The following SOX6 variants were observed in gnomAD, a reference collection of about 807,000 sequenced individuals.
SOX6 encodes the protein SRY-box transcription factor 6.
A neutral mutation model predicts 97.8 loss-of-function variants in SOX6; 11 were observed. That is an observed-to-expected ratio of 0.11 (90% CI 0.07 to 0.19). SOX6 has a LOEUF of 0.19. SOX6 is among the 10% of genes least tolerant of loss of function. SOX6 has a pLI of 1.00. For synonymous variants in SOX6, 360 were observed against 371.4 expected (o/e 0.97, Z 0.35); for missense variants, 810 against 1,039.5 (o/e 0.78, Z 3.04).
At position 15,987,006 on chromosome 11, in the gene SOX6, T is replaced by C. The variant is rs551559285; in HGVS notation, c.1967-586A>G. 1.8e-3 allele frequency among the ~76,000 whole-genome samples: 280 copies of C among 152,344 alleles called. 2 individuals carry two copies. Among genetic ancestry groups the C allele is most frequent in the Middle Eastern group, 0.014 (4 of 294 alleles). On this transcript the variant is annotated intron_variant, in intron 14 of 15. Transcript: ENST00000683767. ...CGGAAGATACCATTGGAATTATATATACCATTTTCAAGTACTATAAACGCT... is the reference window on the plus strand; with the variant it reads ...CGGAAGATACCATTGGAATTATATACACCATTTTCAAGTACTATAAACGCT...
At chr11:16,184,913 T>A (rs1851431672) in intron 5 of SOX6, among the ~76,000 whole-genome samples, 1 of 152,050 alleles carries the variant, frequency 6.6e-6, no homozygotes, top group African/African-American at 2.4e-5. Context: ...GGACTTTGTT[T>A]AGTAGTGCCT....
intron 12 of SOX6, among the ~76,000 whole-genome samples, chr11:16,018,917 T>C (rs1196546604): frequency 1.3e-5 from 2 of 152,154 alleles, no homozygotes; most frequent in African/African-American, 4.8e-5. Context: ...CCATATAGTC[T>C]GAAGAAAACG....
chr11:15,985,916 T>C (rs1424418084), intron 15 of SOX6, among the ~76,000 whole-genome samples: 2 of 152,178 alleles, frequency 1.3e-5, no homozygotes, highest in Non-Finnish European at 2.9e-5. Context: ...TTAAATAAAC[T>C]ACCAGAAACT....
At chr11:16,427,434 C>T (rs1859167660) in intron 1 of SOX6, among the ~76,000 whole-genome samples, 2 of 151,672 alleles carry the variant, frequency 1.3e-5, no homozygotes, top group Non-Finnish European at 2.9e-5. Flanking sequence ...CACCCATTAA[C>T]TCGTCATTTA....
chr11:16,511,306 C>T (rs527448927), intron 4 of SOX6, among the ~76,000 whole-genome samples: 1 of 152,112 alleles, frequency 6.6e-6, no homozygotes, highest in Non-Finnish European at 1.5e-5. Flanking sequence ...GTGCTCCCAC[C>T]CATAGAGTGT....
chr11:16,183,140 T>C (rs1275959724), intron 6 of SOX6, among the ~76,000 whole-genome samples: 3 of 151,858 alleles, frequency 2.0e-5, no homozygotes, highest in South Asian at 4.1e-4. Context: ...ACACCTATAT[T>C]TCTATTTGGA....
intron 9 of SOX6, among the ~76,000 whole-genome samples, chr11:16,061,726 C>G (rs1847961737): frequency 6.6e-6 from 1 of 151,682 alleles, no homozygotes; most frequent in Non-Finnish European, 1.5e-5. Context: ...ATAGAGAACT[C>G]AGAAATAAAG....
intron 6 of SOX6, among the ~76,000 whole-genome samples, chr11:16,155,012 C>T (rs980923434): frequency 6.6e-6 from 1 of 151,630 alleles, no homozygotes; most frequent in Admixed American, 6.6e-5. Context: ...GAACTACCCT[C>T]TTTGCTTAAC....
chr11:16,207,123 C>T (rs1852092859), intron 4 of SOX6, among the ~76,000 whole-genome samples: 1 of 152,148 alleles, frequency 6.6e-6, no homozygotes, highest in Admixed American at 6.6e-5. Context: ...TCTCATGCTG[C>T]TGTGTCTTAC....
chr11:16,634,933 A>C (rs1316279891), intron 3 of SOX6, among the ~76,000 whole-genome samples: 1 of 151,944 alleles, frequency 6.6e-6, no homozygotes, highest in Non-Finnish European at 1.5e-5. Flanking sequence ...CCCACCCTTC[A>C]CTCTGCACTT....
At chr11:16,365,735 G>A (rs565041306) in intron 1 of SOX6, among the ~76,000 whole-genome samples, 32 of 152,148 alleles carry the variant, frequency 2.1e-4, no homozygotes, top group Admixed American at 9.2e-4. Flanking sequence ...TTAGATGCTC[G>A]TCTTAACAAT....
chr11:16,519,201 C>T (rs974373782), intron 4 of SOX6, among the ~76,000 whole-genome samples: 1 of 151,950 alleles, frequency 6.6e-6, no homozygotes, highest in Non-Finnish European at 1.5e-5. Context: ...GAATAAAAAT[C>T]CAATTTTTTT....
chr11:16,202,134 A>G (rs1259337231), intron 4 of SOX6, among the ~76,000 whole-genome samples: 1 of 152,202 alleles, frequency 6.6e-6, no homozygotes, highest in Non-Finnish European at 1.5e-5. Flanking sequence ...GTATTAAAAT[A>G]TCTAAATTTT....
At chr11:16,411,080 A>G (rs1040626414) in intron 1 of SOX6, among the ~76,000 whole-genome samples, 1 of 152,030 alleles carries the variant, frequency 6.6e-6, no homozygotes, top group African/African-American at 2.4e-5. Flanking sequence ...GAGGAATTTT[A>G]TCCATTTTAA....
chr11:16,238,342 T>A (rs1328645472), intron 3 of SOX6, among the ~76,000 whole-genome samples: 2 of 152,078 alleles, frequency 1.3e-5, no homozygotes, highest in African/African-American at 4.8e-5. Flanking sequence ...CTATTTTGTT[T>A]TTAAAATATC....
chr11:16,154,766 A>T (rs1223810886), intron 6 of SOX6, among the ~76,000 whole-genome samples: 1 of 152,162 alleles, frequency 6.6e-6, no homozygotes, highest in Non-Finnish European at 1.5e-5. Flanking sequence ...CTTTGTACAA[A>T]CAACCACAGA....
At chr11:16,028,782 C>T (rs1440426399) in intron 12 of SOX6, among the ~76,000 whole-genome samples, 1 of 152,182 alleles carries the variant, frequency 6.6e-6, no homozygotes, top group East Asian at 1.9e-4. Context: ...GGTGCGAGTG[C>T]TTTTATTCCC....
chr11:16,635,837 C>A (rs943016267), intron 3 of SOX6, among the ~76,000 whole-genome samples: 3 of 152,216 alleles, frequency 2.0e-5, no homozygotes, highest in Non-Finnish European at 4.4e-5. Flanking sequence ...AGCATGCAAG[C>A]CCCAAGCCTT....
At chr11:16,686,987 T>A (rs1294495296) in intron 3 of SOX6, among the ~76,000 whole-genome samples, 2 of 150,346 alleles carry the variant, frequency 1.3e-5, no homozygotes, top group East Asian at 3.9e-4. Flanking sequence ...TAGCCAGGCG[T>A]GGTGGCACAT....
Sources: allele counts gnomAD v4.1 joint callset (sites outside exome capture counted in the v4.1 genomes callset), GRCh38; gene constraint gnomAD v4.1.1; transcripts MANE v1.5; gene names NCBI Gene and HGNC (gene_info 2026-07-23, HGNC 2026-07-21).